Variants in RAB3GAP1 observed in about 807,000 individuals in gnomAD.
RAB3GAP1 encodes the protein RAB3 GTPase activating protein catalytic subunit 1.
A neutral mutation model predicts 130.7 loss-of-function variants in RAB3GAP1; 86 were observed. The ratio of observed to expected loss-of-function variants is 0.66; its 90% CI spans 0.55 to 0.79. The LOEUF (loss-of-function observed/expected upper bound fraction) is 0.79, where lower values mean the gene tolerates loss of function less well. RAB3GAP1 is among the 30% of genes least tolerant of loss of function. The probability of loss-of-function intolerance (pLI) is 0.00; values close to 1 mark genes in which losing one functional copy is unlikely to be tolerated. For missense variants in RAB3GAP1, 1,029 were observed against 1,169.4 expected (o/e 0.88, Z 1.75); for synonymous variants, 367 against 401.7 (o/e 0.91, Z 1.03).
chr2:135,057,901 C>T, intron 2 of RAB3GAP1, 110 bp from the exon 3 acceptor site: 1 of 773,370 alleles, frequency 1.3e-6, no homozygotes, highest in Non-Finnish European at 2.2e-6. Flanking sequence ...TGTACTGAGT[C>T]CTCTCTGGTC....
intron 3 of RAB3GAP1, among the ~76,000 whole-genome samples, chr2:135,062,576 T>C (rs1189149103): frequency 6.6e-6 from 1 of 152,236 alleles, no homozygotes; most frequent in East Asian, 1.9e-4. Flanking sequence ...GGAGTATGAT[T>C]ATGCTGAGAC....
intron 5 of RAB3GAP1, among the ~76,000 whole-genome samples, chr2:135,098,990 T>A (rs1024925878): frequency 6.6e-6 from 1 of 152,210 alleles, no homozygotes; most frequent in African/African-American, 2.4e-5. Flanking sequence ...TATTATTTCT[T>A]TTCTAATCTC....
At chr2:135,154,018 A>G in intron 19 of RAB3GAP1, 142 bp downstream of exon 19, 2 of 791,424 alleles carry the variant, frequency 2.5e-6, no homozygotes, top group Admixed American at 2.2e-5. Flanking sequence ...TATATCTACT[A>G]TTCACATTTA....
At chr2:135,117,502 C>G (rs1691020493) in intron 7 of RAB3GAP1, among the ~76,000 whole-genome samples, 1 of 135,016 alleles carries the variant, frequency 7.4e-6, no homozygotes. Context: ...TCTGCTTCTT[C>G]TTCTTCTTCT....
At chr2:135,052,746 C>A (rs1211844637) in intron 2 of RAB3GAP1, among the ~76,000 whole-genome samples, 2 of 152,186 alleles carry the variant, frequency 1.3e-5, no homozygotes, top group Non-Finnish European at 2.9e-5. Context: ...CCTGTCAGAC[C>A]GCTTCCCTTA....
At chr2:135,130,826 G>A (rs1691516032) in intron 13 of RAB3GAP1, 105 bp downstream of exon 13, 1 of 1,043,874 alleles carries the variant, frequency 9.6e-7, no homozygotes, top group Admixed American at 2.2e-5. Context: ...TATACAATGA[G>A]TAAAACAGTT....
At chr2:135,093,877 C>T (rs1052702715) in intron 5 of RAB3GAP1, among the ~76,000 whole-genome samples, 184 bp downstream of exon 5, 3 of 152,114 alleles carry the variant, frequency 2.0e-5, no homozygotes, top group African/African-American at 7.2e-5. Flanking sequence ...AGGCAAAGTC[C>T]AGAGGAAGTA....
At chr2:135,065,910 A>G (rs1178421807) in intron 3 of RAB3GAP1, among the ~76,000 whole-genome samples, 2 of 151,656 alleles carry the variant, frequency 1.3e-5, no homozygotes, top group Admixed American at 6.6e-5. Flanking sequence ...AGCTGGGACT[A>G]CAGGTGTGCG....
At chr2:135,070,610 C>T (rs1288923898) in intron 3 of RAB3GAP1, among the ~76,000 whole-genome samples, 3 of 152,108 alleles carry the variant, frequency 2.0e-5, no homozygotes, top group African/African-American at 7.2e-5. Context: ...CAGGTTCAAG[C>T]AGTTCTCTTG....
At chr2:135,107,694 A>G (rs988607531) in intron 5 of RAB3GAP1, among the ~76,000 whole-genome samples, 2 of 152,168 alleles carry the variant, frequency 1.3e-5, no homozygotes, top group African/African-American at 4.8e-5. Context: ...TAGCATTCAA[A>G]GTAAGTGGTA....
At chr2:135,140,473 C>G (rs1041086136) in intron 17 of RAB3GAP1, among the ~76,000 whole-genome samples, 10 of 152,164 alleles carry the variant, frequency 6.6e-5, no homozygotes, top group African/African-American at 2.4e-4. Context: ...AGCCCATAAT[C>G]ATGCTCGTGG....
chr2:135,117,409 T>TTTC (rs764864449), intron 7 of RAB3GAP1, among the ~76,000 whole-genome samples: 8,639 of 100,148 alleles, frequency 0.086, 422 homozygotes, highest in African/African-American at 0.1. Context: ...CAATACTTTA[T>TTTC]TTCTTCTTCT....
intron 3 of RAB3GAP1, among the ~76,000 whole-genome samples, chr2:135,083,534 T>C (rs1689887874): frequency 1.3e-5 from 2 of 152,064 alleles, no homozygotes; most frequent in African/African-American, 2.4e-5. Context: ...AATCATAGTT[T>C]ACTGTAACCT....
chr2:135,061,800 C>G (rs1368221491), intron 3 of RAB3GAP1, among the ~76,000 whole-genome samples: 1 of 151,956 alleles, frequency 6.6e-6, no homozygotes. Context: ...TTGTTAAGGT[C>G]TATGATTTAT....
intron 7 of RAB3GAP1, among the ~76,000 whole-genome samples, chr2:135,120,178 A>G (rs565352898): frequency 2.0e-5 from 3 of 152,284 alleles, no homozygotes; most frequent in African/African-American, 4.8e-5. Flanking sequence ...TTTCACATTT[A>G]ATATGTCTGA....
chr2:135,136,617 G>C, intron 17 of RAB3GAP1: 2 of 801,666 alleles, frequency 2.5e-6, no homozygotes, highest in Non-Finnish European at 3.5e-6. Flanking sequence ...GTTTAAAAAA[G>C]AAAATCCAAC....
intron 19 of RAB3GAP1, among the ~76,000 whole-genome samples, chr2:135,154,744 C>T (rs1241013935): frequency 6.6e-6 from 1 of 151,994 alleles, no homozygotes; most frequent in Non-Finnish European, 1.5e-5. Flanking sequence ...TGAATGTAAA[C>T]AGGGCTAGAA....
intron 24 of RAB3GAP1, chr2:135,176,143 A>G (rs969313583): frequency 3.9e-5 from 6 of 152,144 alleles, no homozygotes; most frequent in African/African-American, 9.7e-5. Context: ...CAACCAAGCA[A>G]TTCTTGAAGA....
chr2:135,115,291 A>G lies in RAB3GAP1; in HGVS notation c.558A>G (p.Val186=). 1.9e-6 allele frequency: 3 copies of G among 1,613,386 alleles called. No homozygotes were observed. Among genetic ancestry groups the G allele is most frequent in the Non-Finnish European group, 2.5e-6 (3 of 1,179,318 alleles). ...MYVGECQGPG[V]RTDFEMVHLR... ...TAGGAGAATGTCAAGGTCCTGGTGT[A>G]CGAACTGATTTCGAAATGGTTCATC... Residue 186 remains valine (V), a synonymous_variant, in exon 7 of 24, where the codon GTA becomes GTG. Coordinates refer to ENST00000264158, the MANE Select transcript of RAB3GAP1 (RefSeq NM_012233.3).
Sources: gnomAD v4.1 joint callset for allele counts (sites outside exome capture counted in the v4.1 genomes callset) on GRCh38, gnomAD v4.1.1 for gene constraint, MANE v1.5 for transcripts, NCBI Gene and HGNC (gene_info 2026-07-23, HGNC 2026-07-21) for gene names.